Variants in SKAP2 observed in about 807,000 individuals in gnomAD.
The protein encoded by SKAP2 is src kinase-associated phosphoprotein 2.
SKAP2 carries 28 observed loss-of-function variants against 54.9 expected under a neutral mutation model. That is an observed-to-expected ratio of 0.51 (90% CI 0.38 to 0.70). The LOEUF (loss-of-function observed/expected upper bound fraction) is 0.70, where lower values mean the gene tolerates loss of function less well. SKAP2 is among the 30% of genes least tolerant of loss of function. SKAP2 has a pLI of 0.00. For synonymous variants in SKAP2, 137 were observed against 134.3 expected (o/e 1.02, Z -0.14); for missense variants, 356 against 424.1 (o/e 0.84, Z 1.41).
chr7:26,705,142 C>T (rs1284364213), intron 9 of SKAP2, among the ~76,000 whole-genome samples: 1 of 152,166 alleles, frequency 6.6e-6, no homozygotes, highest in African/African-American at 2.4e-5. Context: ...AGCCTCTAGC[C>T]TATTTTCCAG....
At chr7:26,705,994 A>G (rs1416260375) in intron 9 of SKAP2, among the ~76,000 whole-genome samples, 1 of 152,216 alleles carries the variant, frequency 6.6e-6, no homozygotes, top group African/African-American at 2.4e-5. Context: ...AAATTAACAA[A>G]TAAGACATTC....
chr7:26,770,556 T>C (rs1358352767), intron 4 of SKAP2, among the ~76,000 whole-genome samples: 1 of 152,196 alleles, frequency 6.6e-6, no homozygotes, highest in African/African-American at 2.4e-5. Context: ...CACCCAGTTT[T>C]GTGCTTGAAA....
intron 9 of SKAP2, among the ~76,000 whole-genome samples, chr7:26,691,392 G>A (rs954905439): frequency 2.0e-5 from 3 of 152,116 alleles, no homozygotes; most frequent in Non-Finnish European, 4.4e-5. Flanking sequence ...CAAATGGCAT[G>A]CCAAAGAAAA....
chr7:26,837,505 TG>T (rs1298986995), intron 4 of SKAP2, among the ~76,000 whole-genome samples: 2 of 151,444 alleles, frequency 1.3e-5, no homozygotes, highest in Non-Finnish European at 2.9e-5. Flanking sequence ...AGACAGAGAG[TG>T]GGGTTGGGAG....
intron 4 of SKAP2, among the ~76,000 whole-genome samples, chr7:26,817,953 G>A (rs1784307163): frequency 6.6e-6 from 1 of 152,104 alleles, no homozygotes; most frequent in Non-Finnish European, 1.5e-5. Flanking sequence ...CAAACAGATG[G>A]AAAAACATTC....
At chr7:26,691,644 C>CT (rs1442171343) in intron 9 of SKAP2, among the ~76,000 whole-genome samples, 1 of 152,114 alleles carries the variant, frequency 6.6e-6, no homozygotes, top group Non-Finnish European at 1.5e-5. Context: ...GGAAAACAGG[C>CT]TGAAGGGGCC....
Position 26,725,553 on chromosome 7 carries a change from T to A in SKAP2, c.671A>T (p.Asp224Val), listed in dbSNP as rs750796906. The A allele has an allele frequency of 1.2e-6, 2 of 1,601,796 alleles. No homozygotes were observed. The highest frequency in any genetic ancestry group is 3.4e-5 in the Admixed American group (2 of 59,244). The change falls in exon 9 of 13, where the codon GAT becomes GTT. Residue 224 changes from aspartate to valine, a missense_variant. By Grantham distance (152) the Asp-to-Val change is radical. Transcript: ENST00000345317. ...LKFVLQDMES[D>V]IIPEDYDERG... ...CTCATCATAATCCTCAGGAATAATA[T>A]CAGATTCCATATCTATAAAACACAT...
At chr7:26,824,510 T>C (rs1185105748) in intron 4 of SKAP2, among the ~76,000 whole-genome samples, 3 of 152,182 alleles carry the variant, frequency 2.0e-5, no homozygotes, top group Non-Finnish European at 4.4e-5. Context: ...AAACAAAATA[T>C]ACCTATAGGC....
intron 4 of SKAP2, among the ~76,000 whole-genome samples, chr7:26,765,696 G>A (rs903085694): frequency 7.2e-5 from 11 of 152,168 alleles, no homozygotes; most frequent in African/African-American, 2.7e-4. Flanking sequence ...TGACTAGGCA[G>A]TTTTCCCAAC....
intron 4 of SKAP2, among the ~76,000 whole-genome samples, chr7:26,827,685 C>T (rs887625549): frequency 1.3e-5 from 2 of 152,110 alleles, no homozygotes; most frequent in African/African-American, 4.8e-5. Context: ...ATCACAAACC[C>T]CACTATTTTT....
intron 3 of SKAP2, among the ~76,000 whole-genome samples, chr7:26,850,307 T>G (rs1284652082): frequency 2.0e-5 from 3 of 151,982 alleles, no homozygotes; most frequent in African/African-American, 7.2e-5. Context: ...CGGCCGAGCA[T>G]GGTGACTCAT....
At chr7:26,736,012 AAC>A (rs1221977208) in intron 6 of SKAP2, among the ~76,000 whole-genome samples, 2 of 152,202 alleles carry the variant, frequency 1.3e-5, no homozygotes, top group Non-Finnish European at 2.9e-5. Flanking sequence ...AATTTAAGGA[AAC>A]ACAAGCCACA....
chr7:26,741,498 C>T (rs1049510220), intron 4 of SKAP2, among the ~76,000 whole-genome samples: 4 of 150,044 alleles, frequency 2.7e-5, no homozygotes, highest in Non-Finnish European at 6.0e-5. Context: ...ATGATTGTGC[C>T]ACTGCGCTCC....
chr7:26,826,693 G>C (rs930398686), intron 4 of SKAP2, among the ~76,000 whole-genome samples: 1 of 151,984 alleles, frequency 6.6e-6, no homozygotes, highest in African/African-American at 2.4e-5. Flanking sequence ...TCTTGTAATA[G>C]TGATTAAACC....
chr7:26,757,056 T>C (rs1375243112), intron 4 of SKAP2, among the ~76,000 whole-genome samples: 1 of 152,242 alleles, frequency 6.6e-6, no homozygotes, highest in African/African-American at 2.4e-5. Context: ...GAGTTCTTTG[T>C]AAATTCTGGA....
At chr7:26,721,744 A>T (rs758083589) in intron 9 of SKAP2, among the ~76,000 whole-genome samples, 32 of 152,146 alleles carry the variant, frequency 2.1e-4, no homozygotes, top group Admixed American at 1.6e-3. Flanking sequence ...ATCTAGAAAA[A>T]TCTTTTTGTT....
intron 4 of SKAP2, among the ~76,000 whole-genome samples, chr7:26,806,775 A>G (rs1584401086): frequency 6.6e-6 from 1 of 152,342 alleles, no homozygotes; most frequent in Admixed American, 6.5e-5. Flanking sequence ...GGTGAAATCT[A>G]ATGCAGCTCA....
intron 4 of SKAP2, among the ~76,000 whole-genome samples, chr7:26,778,946 C>CTGAAATAG (rs1783369575): frequency 6.6e-6 from 1 of 151,938 alleles, no homozygotes; most frequent in South Asian, 2.1e-4. Context: ...TATGTAATGT[C>CTGAAATAG]TGCTTTAATA....
At chr7:26,759,065 C>G (rs1006088242) in intron 4 of SKAP2, among the ~76,000 whole-genome samples, 19 of 152,138 alleles carry the variant, frequency 1.2e-4, no homozygotes, top group African/African-American at 4.3e-4. Flanking sequence ...TAAATGTCTT[C>G]AAACTGATGT....
Sources: allele counts gnomAD v4.1 joint callset (sites outside exome capture counted in the v4.1 genomes callset), GRCh38; gene constraint gnomAD v4.1.1; transcripts MANE v1.5; gene names NCBI Gene and HGNC (gene_info 2026-07-23, HGNC 2026-07-21).